The following CFAP54 variants were observed in gnomAD, a reference collection of about 807,000 sequenced individuals.
CFAP54 encodes the protein cilia- and flagella-associated protein 54.
Under a neutral mutation model 370.4 loss-of-function variants are expected in CFAP54, and 290 were observed. The observed-to-expected ratio is 0.78, with a 90% CI of 0.71 to 0.86. CFAP54 has a LOEUF of 0.86. Among genes scored for constraint, CFAP54 ranks in the 40% least tolerant of loss-of-function variants. CFAP54 has a pLI of 0.00. For missense variants in CFAP54, 3,399 were observed against 3,528.7 expected, an observed-to-expected ratio of 0.96 and a Z score of 0.93; for synonymous variants, 1,206 against 1,236.5, an observed-to-expected ratio of 0.98 and a Z score of 0.52.
chr12:96,649,882 G>T lies in CFAP54; in HGVS notation c.4691-9G>T. The T allele has an allele frequency of 6.4e-7, 1 of 1,551,100 alleles. No homozygotes were observed. Among genetic ancestry groups the T allele is most frequent in the African/African-American group, 1.4e-5 (1 of 72,532 alleles). ...TTTAATCATGTCATATCTTATTTTT[G>T]TACTGTAGATGCTGAAGAATTTTCT... On this transcript the variant is annotated splice_polypyrimidine_tract_variant and intron_variant, in intron 34 of 67. Coordinates refer to ENST00000524981, the MANE Select transcript of CFAP54 (RefSeq NM_001306084.2).
chr12:96,612,310 AT>A (rs1956367188), intron 26 of CFAP54, among the ~76,000 whole-genome samples: 1 of 152,202 alleles, frequency 6.6e-6, no homozygotes, highest in Non-Finnish European at 1.5e-5. Context: ...TGAAGGAAAA[AT>A]AAAATCCTTT....
intron 66 of CFAP54, among the ~76,000 whole-genome samples, chr12:96,846,609 G>A (rs373391956): frequency 4.6e-5 from 7 of 152,144 alleles, no homozygotes; most frequent in African/African-American, 1.7e-4. Flanking sequence ...ATTTTCTTAA[G>A]GGTCTCCTTT....
intron 20 of CFAP54, among the ~76,000 whole-genome samples, chr12:96,577,790 A>G (rs1955994106): frequency 6.6e-6 from 1 of 152,114 alleles, no homozygotes; most frequent in African/African-American, 2.4e-5. Context: ...GCTAAGCGCG[A>G]TGGCTCAAGC....
At chr12:96,583,811 G>A (rs12823384) in intron 22 of CFAP54, among the ~76,000 whole-genome samples, 1 of 152,162 alleles carries the variant, frequency 6.6e-6, no homozygotes, top group African/African-American at 2.4e-5. Flanking sequence ...CATGTGCCAA[G>A]TCTCCTAGAG....
chr12:96,733,547 T>G (rs1957947281), intron 50 of CFAP54, among the ~76,000 whole-genome samples: 1 of 142,124 alleles, frequency 7.0e-6, no homozygotes, highest in African/African-American at 3.0e-5. Context: ...TGTGGGTTTT[T>G]TTTTTTTTTT....
At chr12:96,631,658 C>T (rs1956609240) in intron 32 of CFAP54, among the ~76,000 whole-genome samples, 1 of 149,430 alleles carries the variant, frequency 6.7e-6, no homozygotes, top group African/African-American at 2.4e-5. Context: ...GTGCATAATA[C>T]TACACATAAA....
intron 51 of CFAP54, among the ~76,000 whole-genome samples, chr12:96,741,282 T>A (rs1958048308): frequency 6.6e-6 from 1 of 152,148 alleles, no homozygotes; most frequent in Non-Finnish European, 1.5e-5. Flanking sequence ...TTCTCCTGAC[T>A]CAGCCTCCTG....
intron 55 of CFAP54, among the ~76,000 whole-genome samples, chr12:96,753,331 G>A (rs965805448): frequency 6.6e-6 from 1 of 152,096 alleles, no homozygotes; most frequent in African/African-American, 2.4e-5. Context: ...CCACTATAAT[G>A]CTTAATAGAA....
intron 39 of CFAP54, among the ~76,000 whole-genome samples, chr12:96,671,209 T>C (rs1470381614): frequency 6.6e-6 from 1 of 152,128 alleles, no homozygotes; most frequent in Non-Finnish European, 1.5e-5. Flanking sequence ...TGACCTCAAG[T>C]GATCCACTCG....
chr12:96,862,341 A>G (rs548222505), intron 67 of CFAP54, among the ~76,000 whole-genome samples: 2 of 152,218 alleles, frequency 1.3e-5, no homozygotes, highest in Admixed American at 6.5e-5. Context: ...TTTATAGTCA[A>G]AGGACTTGAC....
intron 39 of CFAP54, among the ~76,000 whole-genome samples, chr12:96,676,690 C>T (rs1047576182): frequency 3.3e-5 from 5 of 152,054 alleles, no homozygotes; most frequent in Non-Finnish European, 7.4e-5. Flanking sequence ...GGACTACAGG[C>T]GCCTGCCACA....
At chr12:96,688,439 A>G (rs1374681812) in intron 42 of CFAP54, among the ~76,000 whole-genome samples, 1 of 152,240 alleles carries the variant, frequency 6.6e-6, no homozygotes, top group Non-Finnish European at 1.5e-5. Flanking sequence ...TGGAACCAAT[A>G]GGATAAGTGC....
intron 5 of CFAP54, among the ~76,000 whole-genome samples, chr12:96,516,148 C>T (rs1955232507): frequency 6.6e-6 from 1 of 151,972 alleles, no homozygotes; most frequent in South Asian, 2.1e-4. Context: ...ATCTCCTGAC[C>T]TCGTGATCCA....
intron 4 of CFAP54, 136 bp downstream of exon 4, chr12:96,507,235 T>C: frequency 4.2e-6 from 3 of 713,696 alleles, no homozygotes; most frequent in Non-Finnish European, 4.2e-6. Flanking sequence ...TTTTTCAACA[T>C]TCGTGTGACA....
chr12:96,570,831 T>C (rs1955910629), intron 19 of CFAP54, among the ~76,000 whole-genome samples: 2 of 152,242 alleles, frequency 1.3e-5, no homozygotes, highest in African/African-American at 4.8e-5. Context: ...TGAGACATTC[T>C]GTTTGAACTA....
At chr12:96,509,171 C>T (rs1410402933) in intron 4 of CFAP54, among the ~76,000 whole-genome samples, 2 of 152,022 alleles carry the variant, frequency 1.3e-5, no homozygotes, top group Non-Finnish European at 2.9e-5. Flanking sequence ...CAGATAGTGA[C>T]GAGGCTATGG....
chr12:96,536,382 C>T (rs1955503530), intron 12 of CFAP54, among the ~76,000 whole-genome samples: 1 of 152,156 alleles, frequency 6.6e-6, no homozygotes, highest in South Asian at 2.1e-4. Flanking sequence ...GGTTATAGAG[C>T]ACTGTATTAA....
rs1419913242 is a variant in CFAP54 at position 96,862,159 on chromosome 12, A to G, written c.*14+1207A>G. On this transcript the variant is annotated intron_variant, in intron 67 of 67. Transcript: ENST00000524981. ...AATGTAGACATCTATGAAGTTCTAA[A>G]GTCTGGGAAAAGCGAAGGTAGAATT... is the stretch of plus-strand genomic sequence containing the variant. Among the ~76,000 whole-genome samples, 3 of 152,312 alleles carry G rather than the reference A, an allele frequency of 2.0e-5. No homozygotes were observed. In the East Asian group the frequency reaches 5.8e-4, roughly 29 times the overall value.
chr12:96,597,362 T>A (rs1236652329), intron 25 of CFAP54, among the ~76,000 whole-genome samples: 1 of 151,974 alleles, frequency 6.6e-6, no homozygotes, highest in African/African-American at 2.4e-5. Flanking sequence ...GAATGTATAC[T>A]GTGTTCTGGA....
Sources: allele counts gnomAD v4.1 joint callset (sites outside exome capture counted in the v4.1 genomes callset), GRCh38; gene constraint gnomAD v4.1.1; transcripts MANE v1.5; gene names NCBI Gene and HGNC (gene_info 2026-07-23, HGNC 2026-07-21).